The following IQCB1 variants were observed in gnomAD, a reference collection of about 807,000 sequenced individuals.
The protein encoded by IQCB1 is IQ motif containing B1.
IQCB1 carries 56 observed loss-of-function variants against 84.4 expected under a neutral mutation model. That is an observed-to-expected ratio of 0.66 (90% confidence interval 0.54 to 0.83). The LOEUF (loss-of-function observed/expected upper bound fraction) is 0.83. IQCB1 is among the 40% of genes least tolerant of loss of function. The probability of loss-of-function intolerance (pLI) is 0.00; values close to 1 mark genes in which losing one functional copy is unlikely to be tolerated. For missense variants in IQCB1, 629 were observed against 682.1 expected (o/e 0.92, Z 0.87); for synonymous variants, 210 against 234.8 (o/e 0.89, Z 0.96).
chr3:121,829,981 T>G (rs1258557860), intron 2 of IQCB1, among the ~76,000 whole-genome samples: 2 of 151,968 alleles, frequency 1.3e-5, no homozygotes, highest in Non-Finnish European at 2.9e-5. Flanking sequence ...CCAAGGTGGG[T>G]GAATCACTTG....
intron 12 of IQCB1, among the ~76,000 whole-genome samples, chr3:121,784,003 G>A (rs557540918): frequency 6.6e-6 from 1 of 152,226 alleles, no homozygotes; most frequent in East Asian, 1.9e-4. Context: ...ACAGTATTAT[G>A]AAACAAATGT....
chr3:121,818,697 G>C (rs1950165549), intron 5 of IQCB1, among the ~76,000 whole-genome samples: 1 of 152,188 alleles, frequency 6.6e-6, no homozygotes, highest in South Asian at 2.1e-4. Flanking sequence ...TTAAAAGAGA[G>C]ATTATAATAT....
chr3:121,792,455 C>T (rs1348472152), intron 10 of IQCB1, among the ~76,000 whole-genome samples: 1 of 151,070 alleles, frequency 6.6e-6, no homozygotes, highest in Admixed American at 6.6e-5. Flanking sequence ...GTCAGGAGAT[C>T]GAGACCATCC....
chr3:121,828,916 A>G lies in IQCB1; in HGVS notation c.45T>C (p.Ala15=). ...TCTGCTCAGGGCTTTTTGCAACTTC[A>G]GCAGCTATAGATAAGATCCTTGGGT... ...GTDPRILSIA[A]EVAKSPEQNV... The change falls in exon 3 of 15, where the codon GCT becomes GCC. Residue 15 remains alanine (A), a synonymous_variant. Coordinates refer to ENST00000310864, the MANE Select transcript of IQCB1 (RefSeq NM_001023570.4). The G allele has an allele frequency of 6.2e-7, 1 of 1,611,970 alleles. No homozygotes were observed.
chr3:121,784,096 A>G (rs1385949397), intron 12 of IQCB1, among the ~76,000 whole-genome samples: 1 of 151,950 alleles, frequency 6.6e-6, no homozygotes, highest in East Asian at 1.9e-4. Context: ...GGAAATCTTA[A>G]GTTATTTGAT....
intron 12 of IQCB1, among the ~76,000 whole-genome samples, chr3:121,782,084 C>G (rs879559838): frequency 6.6e-6 from 1 of 151,874 alleles, no homozygotes; most frequent in Non-Finnish European, 1.5e-5. Context: ...GATATAGTCA[C>G]GTATTATTTG....
At chr3:121,825,403 T>C (rs1021287575) in intron 5 of IQCB1, among the ~76,000 whole-genome samples, 10 of 152,094 alleles carry the variant, frequency 6.6e-5, no homozygotes, top group African/African-American at 2.2e-4. Flanking sequence ...ATAAAACATA[T>C]GCGGAGGGCC....
intron 5 of IQCB1, among the ~76,000 whole-genome samples, chr3:121,812,484 G>A (rs1322477369): frequency 6.6e-6 from 1 of 152,186 alleles, no homozygotes. Context: ...TGAGCTGAAG[G>A]AGCATGTTCT....
At chr3:121,798,352 G>A (rs9882454) in intron 8 of IQCB1, among the ~76,000 whole-genome samples, 151,172 of 152,004 alleles carry the variant, frequency 0.99, 75,179 homozygotes, top group East Asian at 1. Context: ...ATAACCCTAT[G>A]TTAATAAGTA....
intron 5 of IQCB1, among the ~76,000 whole-genome samples, chr3:121,821,214 T>C (rs1275467513): frequency 2.0e-5 from 3 of 152,016 alleles, no homozygotes; most frequent in Admixed American, 2.0e-4. Flanking sequence ...GATCCTGCCA[T>C]CTCAGCCTCC....
intron 13 of IQCB1, among the ~76,000 whole-genome samples, chr3:121,777,562 T>C (rs1948280574): frequency 6.6e-6 from 1 of 152,226 alleles, no homozygotes; most frequent in South Asian, 2.1e-4. Context: ...ATGTGACACA[T>C]GGCTGTAATT....
rs573752704 is a variant in IQCB1 at position 121,832,115 on chromosome 3, GTCAGGCACATTTCGTGTTCACTGGCCATT to G, written c.-13+2247_-13+2275del. Reference sequence around the variant, plus strand: ...TTGTATTTCTTTGATTATTAGGGATGTCAGGCACATTTCGTGTTCACTGGCCATTATTTCTTTTATGTATTTTCTATTCA... The same window carrying G: ...TTGTATTTCTTTGATTATTAGGGATGATTTCTTTTATGTATTTTCTATTCA... On this transcript the variant is annotated intron_variant, in intron 2 of 14. Transcript: ENST00000310864. 5.9e-3 allele frequency among the ~76,000 whole-genome samples: 905 copies of G among 152,236 alleles called. 5 individuals are homozygous for G. Among genetic ancestry groups the G allele is most frequent in the Non-Finnish European group, 7.1e-3 (482 of 68,000 alleles).
rs1553722736 is a variant in IQCB1, at chr3:121,828,473, A to C, written c.260T>G (p.Leu87Ter). The C allele has an allele frequency of 1.2e-6, 2 of 1,612,056 alleles. No homozygotes were observed. The highest frequency in any genetic ancestry group is 1.7e-6 in the Non-Finnish European group (2 of 1,178,294). Residue 87 changes from leucine to a stop codon, truncating the protein, a stop_gained, in exon 4 of 15, where the codon TTA becomes TGA. Coordinates refer to ENST00000310864, the MANE Select transcript of IQCB1 (RefSeq NM_001023570.4). LOFTEE classifies it high-confidence loss of function. Reference protein sequence around the residue: ...WTTISQLTQILSHCCVGLEPG... With the variant: ...WTTISQLTQI ...CTGACTTACTGCTTTATTTTACCTT[A>C]ATATCTGTGTAAGCTGGGAAATTGT... is the stretch of plus-strand genomic sequence containing the variant.
chr3:121,815,011 A>G (rs1447945191), intron 5 of IQCB1, among the ~76,000 whole-genome samples: 2 of 152,252 alleles, frequency 1.3e-5, no homozygotes, highest in East Asian at 1.9e-4. Flanking sequence ...AAAATCCTCA[A>G]TAAAATACTG....
chr3:121,830,933 G>A (rs6438679), intron 2 of IQCB1, among the ~76,000 whole-genome samples: 97,911 of 152,082 alleles, frequency 0.64, 32,020 homozygotes, highest in African/African-American at 0.72. Context: ...CACTCAGTCT[G>A]TTAGTATCAG....
At position 121,797,102 on chromosome 3, in the gene IQCB1, T is replaced by A. The variant is rs781216550; in HGVS notation, c.876+16A>T. ...CAGCAAATATCATGCAATTTTTTTT[T>A]TTTGTAACTTAATACCTGCTCTTCT... On this transcript the variant is annotated intron_variant, in intron 9 of 14. Transcript: ENST00000310864. The A allele has an allele frequency of 2.2e-6, 3 of 1,359,042 alleles. No individual in the cohort carries two copies. The highest frequency in any genetic ancestry group is 3.2e-6 in the Non-Finnish European group (3 of 949,790). 84.2% of individuals were successfully genotyped at this position (1,359,042 alleles called of 1,614,324 possible).
chr3:121,827,223 C>T (rs1245109730), intron 4 of IQCB1, among the ~76,000 whole-genome samples: 1 of 151,870 alleles, frequency 6.6e-6, no homozygotes, highest in African/African-American at 2.4e-5. Flanking sequence ...ATGCAATTTA[C>T]CTATAAAACA....
At chr3:121,786,190 G>T (rs1053421153) in intron 12 of IQCB1, among the ~76,000 whole-genome samples, 2 of 141,350 alleles carry the variant, frequency 1.4e-5, no homozygotes, top group Non-Finnish European at 3.0e-5. Flanking sequence ...GAAAAGAAAA[G>T]AAAAGAAAAG....
chr3:121,804,181 A>G (rs997744892), intron 7 of IQCB1, among the ~76,000 whole-genome samples: 3 of 152,164 alleles, frequency 2.0e-5, no homozygotes, highest in Admixed American at 2.0e-4. Context: ...CATGTATAGT[A>G]TAAGAGTCTT....
Sources: gnomAD v4.1 joint callset for allele counts (sites outside exome capture counted in the v4.1 genomes callset) on GRCh38, gnomAD v4.1.1 for gene constraint, MANE v1.5 for transcripts, NCBI Gene and HGNC (gene_info 2026-07-23, HGNC 2026-07-21) for gene names.